The following TMOD4 variants were observed in gnomAD, a reference collection of about 807,000 sequenced individuals.
TMOD4 encodes the protein tropomodulin 4.
Under a neutral mutation model 45.4 loss-of-function variants are expected in TMOD4, and 34 were observed. The ratio of observed to expected loss-of-function variants is 0.75; its 90% CI spans 0.57 to 1.00. The LOEUF (loss-of-function observed/expected upper bound fraction) is 1.00. TMOD4 is among the 50% of genes least tolerant of loss of function. The probability of loss-of-function intolerance (pLI) is 0.00; values close to 1 mark genes in which losing one functional copy is unlikely to be tolerated. For missense variants in TMOD4, 399 were observed against 437.5 expected, an observed-to-expected ratio of 0.91 and a Z score of 0.78; for synonymous variants, 131 against 153.9, an observed-to-expected ratio of 0.85 and a Z score of 1.10.
At chr1:151,171,888 A>T in intron 5 of TMOD4, 125 bp from the exon 6 acceptor site, 1 of 1,267,056 alleles carries the variant, frequency 7.9e-7, no homozygotes, top group Non-Finnish European at 1.1e-6. Context: ...CTAGGCTGGA[A>T]TGCAGTGGCA....
chr1:151,171,361 C>T, intron 7 of TMOD4, 72 bp downstream of exon 7: 2 of 1,416,650 alleles, frequency 1.4e-6, no homozygotes, highest in African/African-American at 1.4e-5. Context: ...CCTAGCAAAA[C>T]CCTTTATGAC....
intron 7 of TMOD4, 26 bp downstream of exon 7, chr1:151,171,407 G>A (rs761071797): frequency 1.3e-6 from 2 of 1,590,742 alleles, no homozygotes; most frequent in African/African-American, 2.7e-5. Flanking sequence ...TGTGGGGAGA[G>A]GGCTGGGGAT....
At position 151,171,035 on chromosome 1, in the gene TMOD4, C is replaced by A. The variant is rs587769143; in HGVS notation, c.755G>T (p.Arg252Leu). The change falls in exon 8 of 10, where the codon CGT becomes CTT. Residue 252 changes from arginine (R) to leucine (L), a missense_variant. By Grantham distance (102) the Arg-to-Leu change is moderately radical (BLOSUM62 -2). Coordinates refer to ENST00000295314, the MANE Select transcript of TMOD4 (RefSeq NM_013353.3). ...NAVADMLREN[R>L]SLQSLNIESN... The stretch of plus-strand genomic sequence containing the variant: ...TTCGATGTTTAGGCTCTGGAGGCTA[C>A]GATTCTCACGCAACATGTCAGCCAC... The A allele has an allele frequency of 6.2e-7, 1 of 1,614,102 alleles. No individual in the cohort carries two copies. Among genetic ancestry groups the A allele is most frequent in the South Asian group, 1.1e-5 (1 of 91,080 alleles).
intron 4 of TMOD4, 104 bp from the exon 5 acceptor site, chr1:151,172,461 T>G (rs1683991247): frequency 2.2e-6 from 2 of 894,088 alleles, no homozygotes; most frequent in African/African-American, 3.3e-5. Flanking sequence ...GCCTGACCAC[T>G]TACACTTTGC....
In TMOD4 at chr1:151,170,597, C is replaced by A; in HGVS notation, c.937G>T (p.Val313Phe). Residue 313 changes from valine (V) to phenylalanine (F), a missense_variant, in exon 9 of 10, where the codon GTC becomes TTC. Physicochemically the swap from Val to Phe is conservative, Grantham distance 50. Coordinates refer to ENST00000295314, the MANE Select transcript of TMOD4 (RefSeq NM_013353.3). ...TGTGTAAAGTGGTAGCCAAAGCGGA[C>A]AATAGAGGGACACTGCTCTAGCACG... The part of the protein sequence containing the change: ...ATVLEQCPSI[V>F]RFGYHFTQQG... The A allele has an allele frequency of 1.2e-6, 2 of 1,614,186 alleles. No homozygotes were observed. The highest frequency in any genetic ancestry group is 1.7e-6 in the Non-Finnish European group (2 of 1,180,024).
At position 151,175,061 on chromosome 1, in the gene TMOD4, G is replaced by C; in HGVS notation, c.-42-144C>G. ...CTAGTTGAGGATGGGAAGTGGGGAAGATTAGGTTGTTTAGAGTTAGAACTA... is the reference window on the plus strand; with the variant it reads ...CTAGTTGAGGATGGGAAGTGGGGAACATTAGGTTGTTTAGAGTTAGAACTA... On this transcript the variant is annotated intron_variant, in intron 1 of 9. Coordinates refer to ENST00000295314, the MANE Select transcript of TMOD4 (RefSeq NM_013353.3). 4.5e-6 allele frequency: 3 copies of C among 660,190 alleles called. No homozygotes were observed. In the South Asian group the frequency reaches 5.9e-5, roughly 13 times the overall value. The allele number at this position is 660,190 out of a possible 1,614,324, so 40.9% of individuals were successfully genotyped here. A position where few individuals can be genotyped will look rare whatever the true frequency, so the allele number is the denominator to read the frequency against.
At chr1:151,175,490 C>A (rs1684074018) in intron 1 of TMOD4, 1 of 152,232 alleles carries the variant, frequency 6.6e-6, no homozygotes, top group African/African-American at 2.4e-5. Context: ...AATTTGAAGT[C>A]TTAAGGGAAA....
chr1:151,171,161 A>T, intron 7 of TMOD4, 98 bp from the exon 8 acceptor site: 1 of 1,353,266 alleles, frequency 7.4e-7, no homozygotes, highest in Non-Finnish European at 1.0e-6. Flanking sequence ...CTCTTTGAGA[A>T]GAGTCTTTCA....
Position 151,170,512 on chromosome 1 carries a change from T to TA in TMOD4, c.1015+6dup. 4.3e-6 allele frequency: 7 copies of TA among 1,614,198 alleles called. No homozygotes were observed. Among genetic ancestry groups the TA allele is most frequent in the Non-Finnish European group, 5.9e-6 (7 of 1,180,020 alleles). ...CCACTCCACACATCATGTCTGCAGT[T>TA]ACTCACGTAGTTCATTGTTTCGGGT... On this transcript the variant is annotated splice_region_variant and intron_variant, in intron 9 of 9. Transcript: ENST00000295314.
intron 2 of TMOD4, 26 bp downstream of exon 2, chr1:151,174,727 C>T (rs1188169909): frequency 5.6e-6 from 9 of 1,613,126 alleles, no homozygotes; most frequent in Non-Finnish European, 7.6e-6. Flanking sequence ...GGGACTGCCT[C>T]TGGTTCCCTG....
Position 151,171,658 on chromosome 1 carries a change from TC to T in TMOD4, c.592del (p.Glu198ArgfsTer3). 1 of 1,614,144 alleles carries T rather than the reference TC, an allele frequency of 6.2e-7. No individual in the cohort carries two copies. The highest frequency in any genetic ancestry group is 8.5e-7 in the Non-Finnish European group (1 of 1,180,018). ...CTGTATATTATTCAAGTTCACCTCC[TC>T]CAGCTCCTTGTCATTGCTTCGGACC... Reference protein sequence around the residue: ...KRVRSNDKELEEVNLNNIQDI... With the variant: ...KRVRSNDKELXEVNLNNIQDI... On this transcript the variant is annotated frameshift_variant, in exon 6 of 10. Coordinates refer to ENST00000295314, the MANE Select transcript of TMOD4 (RefSeq NM_013353.3). LOFTEE classifies it high-confidence loss of function.
chr1:151,170,600 T>C lies in TMOD4; in HGVS notation c.934A>G (p.Ile312Val), dbSNP rs1236248004. ...MATVLEQCPS[I>V]VRFGYHFTQQ... is the part of the protein sequence containing the mutation. ...GTAAAGTGGTAGCCAAAGCGGACAA[T>C]AGAGGGACACTGCTCTAGCACGGTG... Residue 312 changes from isoleucine to valine, a missense_variant, in exon 9 of 10, where the codon ATT (isoleucine) becomes GTT (valine). Transcript: ENST00000295314. The C allele has an allele frequency of 3.1e-6, 5 of 1,614,094 alleles. No homozygotes were observed. In the South Asian group the frequency reaches 3.3e-5, roughly 11 times the overall value.
intron 4 of TMOD4, among the ~76,000 whole-genome samples, chr1:151,172,631 G>T (rs587652071): frequency 1.3e-5 from 2 of 152,122 alleles, no homozygotes; most frequent in East Asian, 3.9e-4. Flanking sequence ...AGCCAGAATG[G>T]TTCCACTTTT....
At chr1:151,171,090 T>G in intron 7 of TMOD4, 27 bp from the exon 8 acceptor site, 1 of 1,611,450 alleles carries the variant, frequency 6.2e-7, no homozygotes, top group Non-Finnish European at 8.5e-7. Context: ...TGGGTTAGGA[T>G]TAGGGAACAG....
intron 1 of TMOD4, 42 bp downstream of exon 1, chr1:151,175,882 C>T (rs1684084175): frequency 6.6e-6 from 1 of 152,282 alleles, no homozygotes; most frequent in African/African-American, 2.4e-5. Context: ...TCCCATCTCC[C>T]ACCGGGCTCT....
intron 8 of TMOD4, 97 bp from the exon 9 acceptor site, chr1:151,170,760 C>T (rs911408382): frequency 6.5e-7 from 1 of 1,545,462 alleles, no homozygotes; most frequent in South Asian, 1.2e-5. Flanking sequence ...AAGCTTGTTT[C>T]TCCACAGTGG....
chr1:151,170,002 T>G lies in TMOD4; in HGVS notation c.*79A>C. 6.4e-7 allele frequency: 1 copy of G among 1,565,620 alleles called. No homozygotes were observed. Among genetic ancestry groups the G allele is most frequent in the Non-Finnish European group, 8.8e-7 (1 of 1,137,128 alleles). The stretch of plus-strand genomic sequence containing the variant: ...GCAGGCAAAATGGATAGAAGGGCTT[T>G]TATTTACAGGAAAGGAGGACAGATG... On this transcript the variant is annotated 3_prime_UTR_variant, in exon 10 of 10. Coordinates refer to ENST00000295314, the MANE Select transcript of TMOD4 (RefSeq NM_013353.3).
Position 151,173,589 on chromosome 1 carries a change from C to G in TMOD4, c.307G>C (p.Glu103Gln). 1.2e-6 allele frequency: 2 copies of G among 1,614,188 alleles called. No homozygotes were observed. The highest frequency in any genetic ancestry group is 1.7e-6 in the Non-Finnish European group (2 of 1,180,020). ...GTGATCTGCTCCTCTGCTGGGATTT[C>G]CCTCTTGGGCTGAATATAGGGTTTC... ...KGKPYIQPKR[E>Q]IPAEEQITLE... is the part of the protein sequence containing the mutation. Residue 103 changes from glutamate (E) to glutamine (Q), a missense_variant, in exon 4 of 10, where the codon GAA becomes CAA. Transcript: ENST00000295314.
Position 151,171,576 on chromosome 1 carries a change from A to G in TMOD4, c.619-36T>C, listed in dbSNP as rs775238840. ...GGAATAGGAGATGGTGGGCTAAGGGACTCTCGGATGTCAGTGGTTATCCGG... is the reference window on the plus strand; with the variant it reads ...GGAATAGGAGATGGTGGGCTAAGGGGCTCTCGGATGTCAGTGGTTATCCGG... On this transcript the variant is annotated intron_variant, in intron 6 of 9. Coordinates refer to ENST00000295314, the MANE Select transcript of TMOD4 (RefSeq NM_013353.3). The G allele has an allele frequency of 4.3e-6, 7 of 1,613,756 alleles. No homozygotes were observed. The South Asian group carries it at 7.7e-5, about 18-fold the overall frequency.
Sources: gnomAD v4.1 joint callset for allele counts (sites outside exome capture counted in the v4.1 genomes callset) on GRCh38, gnomAD v4.1.1 for gene constraint, MANE v1.5 for transcripts, NCBI Gene and HGNC (gene_info 2026-07-23, HGNC 2026-07-21) for gene names.